SEMA3D: variants seen among roughly 807,000 people sequenced by gnomAD.
SEMA3D encodes semaphorin 3D, also known as semaphorin-3D.
Under a neutral mutation model 100.1 loss-of-function variants are expected in SEMA3D, and 84 were observed. The observed-to-expected ratio is 0.84, with a 90% CI of 0.70 to 1.01. The LOEUF (loss-of-function observed/expected upper bound fraction) is 1.01. Ranked by LOEUF, SEMA3D falls within the 50% of genes least tolerant of loss-of-function variation. The pLI, the probability that SEMA3D is intolerant of heterozygous loss-of-function variation, is 0.00. For synonymous variants in SEMA3D, 312 were observed against 320.7 expected, an observed-to-expected ratio of 0.97 and a Z score of 0.29; for missense variants, 875 against 934.1, an observed-to-expected ratio of 0.94 and a Z score of 0.82.
chr7:85,074,044 ACTC>A (rs1791851714), intron 5 of SEMA3D, among the ~76,000 whole-genome samples: 2 of 152,116 alleles, frequency 1.3e-5, no homozygotes, highest in Admixed American at 1.3e-4. Flanking sequence ...TGCAAGTGAT[ACTC>A]TATCTTTACA....
intron 2 of SEMA3D, chr7:85,141,538 C>A: frequency 1.0e-6 from 1 of 984,916 alleles, no homozygotes; most frequent in Non-Finnish European, 1.2e-6. Flanking sequence ...ACCACAAAGT[C>A]TTTCTAAGGA....
chr7:85,025,554 C>T (rs951706707), intron 12 of SEMA3D, among the ~76,000 whole-genome samples: 1 of 151,942 alleles, frequency 6.6e-6, no homozygotes, highest in African/African-American at 2.4e-5. Context: ...TTGGCAAAGC[C>T]CCAGACAGCT....
At chr7:85,015,306 A>C (rs989859572) in intron 15 of SEMA3D, 90 bp from the exon 16 acceptor site, 2 of 1,248,034 alleles carry the variant, frequency 1.6e-6, no homozygotes, top group African/African-American at 1.5e-5. Context: ...AATACATATA[A>C]ATCTGTTTCT....
At chr7:85,065,312 T>C in intron 8 of SEMA3D, 112 bp downstream of exon 8, 1 of 947,048 alleles carries the variant, frequency 1.1e-6, no homozygotes, top group South Asian at 1.9e-5. Context: ...TATTTTATAA[T>C]GTTGAGCTAA....
At chr7:85,224,375 T>TC in the SEMA3D span, among the ~76,000 whole-genome samples, 1 of 152,202 alleles carries the variant, frequency 6.6e-6, no homozygotes, top group African/African-American at 2.4e-5. Flanking sequence ...AGAGCACAAT[T>TC]CGTCGTCTTG....
Position 85,031,190 on chromosome 7 carries a change from A to G in SEMA3D, c.1191+5699T>C, listed in dbSNP as rs1052663728. Among the ~76,000 whole-genome samples, 57 of 152,054 alleles carry G rather than the reference A, an allele frequency of 3.7e-4. 1 individual carries two copies. The highest frequency in any genetic ancestry group is 7.4e-5 in the Non-Finnish European group (5 of 67,936). ...AACTTAAAGTAAGCTTGACACACTG[A>G]AAGTTGTAGTGTTTATTTAACTGAG... On this transcript the variant is annotated intron_variant, in intron 12 of 18. Coordinates refer to ENST00000284136, the MANE Select transcript of SEMA3D (RefSeq NM_001384900.1).
At chr7:85,127,882 G>A (rs1177597964) in intron 2 of SEMA3D, among the ~76,000 whole-genome samples, 1 of 151,990 alleles carries the variant, frequency 6.6e-6, no homozygotes, top group Non-Finnish European at 1.5e-5. Context: ...AACTTTTCAT[G>A]ACCCAGATAA....
chr7:85,212,955 T>C, the SEMA3D span, among the ~76,000 whole-genome samples: 1 of 152,036 alleles, frequency 6.6e-6, no homozygotes, highest in Admixed American at 6.6e-5. Context: ...AGAAGAAAGC[T>C]TATTTTGTCA....
rs767895363 is a variant in SEMA3D at position 85,036,936 on chromosome 7, G to A, written c.1144C>T (p.Arg382Cys). The change falls in exon 12 of 19, where the codon CGT becomes TGT. Residue 382 changes from arginine to cysteine, a missense_variant. Physicochemically the swap from Arg to Cys is radical, Grantham distance 180. Transcript: ENST00000284136. ...ATTCTCCCATCATACTGCACCCAAC[G>A]ATGGTCTGCACTTTCCTTATGAGCA... is the stretch of plus-strand genomic sequence containing the variant. ...PYAHKESADH[R>C]WVQYDGRIPY... 6.8e-6 allele frequency: 11 copies of A among 1,613,100 alleles called. No homozygotes were observed. The South Asian group carries it at 7.7e-5, about 11-fold the overall frequency.
At chr7:85,079,657 T>C (rs1583902223) in intron 5 of SEMA3D, among the ~76,000 whole-genome samples, 2 of 152,184 alleles carry the variant, frequency 1.3e-5, no homozygotes, top group South Asian at 4.1e-4. Flanking sequence ...CCTTCACTGA[T>C]TGTTTGACCT....
chr7:85,085,527 T>C (rs1788189856), intron 4 of SEMA3D, among the ~76,000 whole-genome samples: 1 of 152,174 alleles, frequency 6.6e-6, no homozygotes, highest in Admixed American at 6.5e-5. Context: ...TTACTCTTCA[T>C]TAACTATTTG....
At chr7:85,129,576 A>T (rs1204633842) in intron 2 of SEMA3D, among the ~76,000 whole-genome samples, 2 of 152,152 alleles carry the variant, frequency 1.3e-5, no homozygotes, top group Non-Finnish European at 2.9e-5. Context: ...GCTTATACAC[A>T]ACCACTTATG....
intron 5 of SEMA3D, among the ~76,000 whole-genome samples, chr7:85,073,634 A>G (rs931085667): frequency 2.0e-5 from 3 of 152,190 alleles, no homozygotes; most frequent in Non-Finnish European, 2.9e-5. Context: ...CCATATAGTT[A>G]CTACTGTTTG....
intron 2 of SEMA3D, chr7:85,142,184 A>T: frequency 3.0e-6 from 3 of 984,418 alleles, no homozygotes; most frequent in Non-Finnish European, 3.6e-6. Flanking sequence ...GTCTCTTACC[A>T]ATTTCTAAAT....
At chr7:85,046,085 T>C (rs748040901) in intron 9 of SEMA3D, among the ~76,000 whole-genome samples, 13 of 151,966 alleles carry the variant, frequency 8.6e-5, no homozygotes, top group Non-Finnish European at 1.5e-4. Context: ...AAAGTTTGTC[T>C]TACCCATCAC....
the SEMA3D span, among the ~76,000 whole-genome samples, chr7:85,244,218 G>C: frequency 6.6e-6 from 1 of 152,268 alleles, no homozygotes; most frequent in South Asian, 2.1e-4. Context: ...TGAGCAAAGA[G>C]AGATGCACTA....
the SEMA3D span, among the ~76,000 whole-genome samples, chr7:85,204,521 C>T: frequency 6.6e-6 from 1 of 152,014 alleles, no homozygotes; most frequent in African/African-American, 2.4e-5. Context: ...TAAGTAATAA[C>T]AATTTTAGTG....
intron 3 of SEMA3D, among the ~76,000 whole-genome samples, chr7:85,104,070 GTT>G (rs1375392592): frequency 6.6e-6 from 1 of 152,002 alleles, no homozygotes; most frequent in Non-Finnish European, 1.5e-5. Context: ...TCCACATGTA[GTT>G]AGTAATCATA....
At chr7:85,101,465 C>A (rs1001295363) in intron 3 of SEMA3D, among the ~76,000 whole-genome samples, 5 of 151,970 alleles carry the variant, frequency 3.3e-5, no homozygotes, top group African/African-American at 1.2e-4. Context: ...TCCTGCCTCC[C>A]AACTCACTGG....
Sources: allele counts gnomAD v4.1 joint callset (sites outside exome capture counted in the v4.1 genomes callset), GRCh38; gene constraint gnomAD v4.1.1; transcripts MANE v1.5; gene names NCBI Gene and HGNC (gene_info 2026-07-23, HGNC 2026-07-21).